ACOT11: variants seen among roughly 807,000 people sequenced by gnomAD.
ACOT11 encodes acyl-coenzyme A thioesterase 11.
In ACOT11, 69 loss-of-function variants were observed where a neutral mutation model predicts 77.5. That is an observed-to-expected ratio of 0.89 (90% CI 0.73 to 1.09). The LOEUF is 1.09. Among genes scored for constraint, ACOT11 ranks in the 50% least tolerant of loss-of-function variants. The pLI is 0.00. For synonymous variants in ACOT11, 279 were observed against 313.0 expected, an observed-to-expected ratio of 0.89 and a Z score of 1.15; for missense variants, 766 against 813.7, an observed-to-expected ratio of 0.94 and a Z score of 0.71.
At position 54,551,150 on chromosome 1, in the gene ACOT11, G is replaced by GA. The variant is rs1057072352; in HGVS notation, c.33+2816dup. Among the ~76,000 whole-genome samples, 508 of 122,954 alleles carry GA rather than the reference G, an allele frequency of 4.1e-3. 2 individuals carry two copies. Among genetic ancestry groups the GA allele is most frequent in the African/African-American group, 0.014 (464 of 33,604 alleles). 80.7% of individuals were successfully genotyped at this position (122,954 alleles called of 152,430 possible). ...GGTCTCAAAAAAAAAAAAAAAAAAA[G>GA]AAAAAAAACCAGCAACAGCAACAAC... On this transcript the variant is annotated intron_variant, in intron 1 of 15. Coordinates refer to ENST00000343744, the MANE Select transcript of ACOT11 (RefSeq NM_147161.4).
Position 54,609,222 on chromosome 1 carries a change from G to C in ACOT11, c.*110G>C, listed in dbSNP as rs1053179488. Reference sequence around the variant, plus strand: ...CCTTTATTTCTTCCTGCCTCCCCGTGGGAAGCCTCCGCCCTGAGGTCCGCT... The same window carrying C: ...CCTTTATTTCTTCCTGCCTCCCCGTCGGAAGCCTCCGCCCTGAGGTCCGCT... On this transcript the variant is annotated 3_prime_UTR_variant, in exon 16 of 16. Transcript: ENST00000343744. 6.3e-7 allele frequency: 1 copy of C among 1,590,584 alleles called. No homozygotes were observed. The highest frequency in any genetic ancestry group is 1.7e-5 in the Admixed American group (1 of 58,364).
chr1:54,602,684 T>C lies in ACOT11; in HGVS notation c.1045T>C (p.Tyr349His), dbSNP rs769970160. The change falls in exon 10 of 16, where the codon TAC (tyrosine) becomes CAC (histidine). Residue 349 changes from tyrosine (Y) to histidine (H), a missense_variant. Coordinates refer to ENST00000343744, the MANE Select transcript of ACOT11 (RefSeq NM_147161.4). ...TCCTCCCCAGGATGGTGAGCGGCGG[T>C]ACCGAGAGGCCAGTGCCAGAAAGAA... Reference protein sequence around the residue: ...RPQPGDGERRYREASARKKIR... With the variant: ...RPQPGDGERRHREASARKKIR... 7.7e-6 allele frequency: 12 copies of C among 1,554,674 alleles called. No homozygotes were observed. The highest frequency in any genetic ancestry group is 1.0e-5 in the Non-Finnish European group (12 of 1,151,408).
intron 1 of ACOT11, among the ~76,000 whole-genome samples, chr1:54,575,666 A>T (rs947821624): frequency 6.6e-6 from 1 of 152,228 alleles, no homozygotes; most frequent in African/African-American, 2.4e-5. Context: ...TGCATAGTAG[A>T]TCTTCATGGT....
At chr1:54,634,897 G>A (rs984113159) in exon 17 of ACOT11, 47 of 504,248 alleles carry the variant, frequency 9.3e-5, no homozygotes, top group Non-Finnish European at 1.5e-4. Context: ...TGTCACAGAT[G>A]GCGGAAGAAA....
rs753043123 is a variant in ACOT11 at position 54,584,189 on chromosome 1, C to A, written c.34-466C>A. Among the ~76,000 whole-genome samples the A allele has an allele frequency of 1.3e-5, 2 of 150,544 alleles. No individual in the cohort carries two copies. Among genetic ancestry groups the A allele is most frequent in the Non-Finnish European group, 2.9e-5 (2 of 68,024 alleles). ...AGATGGAGGGAGCCCAAGAAAGGAGCCCTTTGGGGATGAAATCAGAGCGGC... is the reference window on the plus strand; with the variant it reads ...AGATGGAGGGAGCCCAAGAAAGGAGACCTTTGGGGATGAAATCAGAGCGGC... On this transcript the variant is annotated intron_variant, in intron 1 of 15. Coordinates refer to ENST00000343744, the MANE Select transcript of ACOT11 (RefSeq NM_147161.4). The surrounding 1 kb of genome is among the most constrained non-coding windows in gnomAD (Gnocchi z 6.3).
intron 13 of ACOT11, among the ~76,000 whole-genome samples, chr1:54,605,413 G>T (rs1340066875): frequency 6.6e-6 from 1 of 152,156 alleles, no homozygotes; most frequent in Non-Finnish European, 1.5e-5. Context: ...AGAGCTGGAG[G>T]CTTGAGTTGA....
intron 13 of ACOT11, among the ~76,000 whole-genome samples, chr1:54,605,741 A>T (rs1263983347): frequency 2.0e-5 from 3 of 152,210 alleles, no homozygotes; most frequent in Non-Finnish European, 4.4e-5. Context: ...GAATAGAAAT[A>T]TGTTATTCCT....
At chr1:54,636,071 G>A (rs1644329080) in exon 17 of ACOT11, 1 of 152,250 alleles carries the variant, frequency 6.6e-6, no homozygotes, top group South Asian at 2.1e-4. Context: ...GATACTTTTA[G>A]TTAATTTAAT....
chr1:54,604,488 C>A, intron 12 of ACOT11, 59 bp downstream of exon 12: 4 of 1,482,034 alleles, frequency 2.7e-6, no homozygotes, highest in Non-Finnish European at 2.8e-6. Flanking sequence ...TGGCTAATGG[C>A]AAGCAACAAG....
intron 1 of ACOT11, chr1:54,572,940 G>T: frequency 1.0e-6 from 1 of 985,436 alleles, no homozygotes; most frequent in Non-Finnish European, 1.2e-6. Context: ...AATTTATAAA[G>T]TACAGTTTTC....
At chr1:54,604,629 T>C (rs1458675844) in intron 12 of ACOT11, among the ~76,000 whole-genome samples, 200 bp downstream of exon 12, 4 of 152,164 alleles carry the variant, frequency 2.6e-5, no homozygotes, top group Non-Finnish European at 5.9e-5. Flanking sequence ...GATTCTTCTC[T>C]CCTGCCTGCC....
rs369397267 is a variant in ACOT11, at chr1:54,603,837, G to A, written c.1086-34G>A. The A allele has an allele frequency of 3.7e-6, 6 of 1,608,122 alleles. No individual in the cohort carries two copies. In the African/African-American group the frequency reaches 8.0e-5, roughly 22 times the overall value. ...GTCTGTGGAAAGTGCTGAACTTCCA[G>A]GGGACCAAGGTTGTCATCTTCTCTC... On this transcript the variant is annotated intron_variant, in intron 10 of 15. Coordinates refer to ENST00000343744, the MANE Select transcript of ACOT11 (RefSeq NM_147161.4).
At chr1:54,601,146 T>C in intron 8 of ACOT11, 123 bp from the exon 9 acceptor site, 1 of 1,100,150 alleles carries the variant, frequency 9.1e-7, no homozygotes, top group Non-Finnish European at 1.3e-6. Flanking sequence ...CATACGTGTG[T>C]GTGTGTGCAT....
chr1:54,548,470 T>G, intron 1 of ACOT11, 128 bp downstream of exon 1: 2 of 1,239,862 alleles, frequency 1.6e-6, no homozygotes, highest in Non-Finnish European at 2.2e-6. Context: ...TTTCTAGCTC[T>G]CTTTGGAAGG....
chr1:54,616,365 G>GT (rs1644173703), intron 15 of ACOT11, among the ~76,000 whole-genome samples: 1 of 151,472 alleles, frequency 6.6e-6, no homozygotes, highest in Non-Finnish European at 1.5e-5. Flanking sequence ...CTATGCATAG[G>GT]TTTTTGTTTT....
intron 1 of ACOT11, 196 bp downstream of exon 1, chr1:54,548,538 C>CA: frequency 1.4e-6 from 1 of 691,810 alleles, no homozygotes; most frequent in Non-Finnish European, 2.4e-6. Flanking sequence ...AAACAAGCCC[C>CA]AGGGGCTGTC....
At chr1:54,616,766 T>C (rs1187518796) in intron 15 of ACOT11, among the ~76,000 whole-genome samples, 1 of 152,192 alleles carries the variant, frequency 6.6e-6, no homozygotes. Context: ...TCTTTTTTTA[T>C]GCATCTCTTT....
intron 16 of ACOT11, among the ~76,000 whole-genome samples, chr1:54,632,046 T>C (rs1253211340): frequency 6.6e-6 from 1 of 152,036 alleles, no homozygotes; most frequent in Non-Finnish European, 1.5e-5. Flanking sequence ...AGCGTGGTCA[T>C]ACTAAAAAAG....
rs1654480338 is a variant in ACOT11, at chr1:54,585,846, G to A, written c.253G>A (p.Ala85Thr). Residue 85 changes from alanine to threonine, a missense_variant, in exon 3 of 16, where the codon GCT becomes ACT. Physicochemically the swap from Ala to Thr is moderately conservative, Grantham distance 58 (BLOSUM62 0). Coordinates refer to ENST00000343744, the MANE Select transcript of ACOT11 (RefSeq NM_147161.4). ...TTACLSAERH[A>T]GCPCVTASMD... ...TCTGCTGACACCAGCGGAGAGGCAC[G>A]CTGGCTGCCCCTGTGTCACAGCTTC... 14 of 1,613,948 alleles carry A rather than the reference G, an allele frequency of 8.7e-6. No homozygotes were observed. Among genetic ancestry groups the A allele is most frequent in the South Asian group, 2.2e-5 (2 of 91,082 alleles).
Sources: gnomAD v4.1 joint callset for allele counts (sites outside exome capture counted in the v4.1 genomes callset) on GRCh38, gnomAD v4.1.1 for gene constraint, Gnocchi (gnomAD v3.1) non-coding constraint, MANE v1.5 for transcripts, NCBI Gene and HGNC (gene_info 2026-07-23, HGNC 2026-07-21) for gene names.